Variants in NAALADL2 observed in about 807,000 individuals in gnomAD.
NAALADL2 encodes N-acetylated alpha-linked acidic dipeptidase like 2.
In NAALADL2, 76 loss-of-function variants were observed where a neutral mutation model predicts 87.2. That is an observed-to-expected ratio of 0.87 (90% CI 0.72 to 1.05). NAALADL2 has a LOEUF of 1.05. Among genes scored for constraint, NAALADL2 ranks in the 50% least tolerant of loss-of-function variants. NAALADL2 has a pLI of 0.00. For missense variants in NAALADL2, 1,089 were observed against 945.8 expected (o/e 1.15, Z -1.99); for synonymous variants, 354 against 331.0 (o/e 1.07, Z -0.75).
intron 9 of NAALADL2, among the ~76,000 whole-genome samples, chr3:175,575,550 G>A (rs1419976151): frequency 1.3e-5 from 2 of 152,058 alleles, no homozygotes; most frequent in Admixed American, 1.3e-4. Flanking sequence ...CTCCCAAAGT[G>A]CTGGGATTAC....
intron 5 of NAALADL2, among the ~76,000 whole-genome samples, chr3:175,433,922 A>C (rs1037976907): frequency 6.6e-6 from 1 of 151,928 alleles, no homozygotes; most frequent in South Asian, 2.1e-4. Flanking sequence ...TGTCTCATTA[A>C]CCAAGGGAAT....
intron 9 of NAALADL2, among the ~76,000 whole-genome samples, chr3:175,555,248 AT>A (rs1183889505): frequency 3.0e-4 from 45 of 152,348 alleles, no homozygotes; most frequent in Non-Finnish European, 8.8e-5. Flanking sequence ...AAGTGATCAC[AT>A]TAGTAATTTA....
At chr3:175,050,032 C>G (rs1755169776) in intron 1 of NAALADL2, among the ~76,000 whole-genome samples, 1 of 152,108 alleles carries the variant, frequency 6.6e-6, no homozygotes, top group Non-Finnish European at 1.5e-5. Flanking sequence ...GATTACCTCC[C>G]AAATTCCAAA....
At chr3:174,907,753 A>G (rs963122569) in intron 1 of NAALADL2, among the ~76,000 whole-genome samples, 2 of 152,060 alleles carry the variant, frequency 1.3e-5, no homozygotes, top group African/African-American at 4.8e-5. Context: ...TTGTGGATCT[A>G]TTGTGTATAG....
chr3:174,948,364 A>G (rs2108501019), intron 1 of NAALADL2, among the ~76,000 whole-genome samples: 1 of 152,164 alleles, frequency 6.6e-6, no homozygotes, highest in East Asian at 1.9e-4. Context: ...TTTAGTAGAG[A>G]CGGGGTTTCA....
intron 3 of NAALADL2, among the ~76,000 whole-genome samples, chr3:174,845,490 A>G (rs16865032): frequency 0.1 from 15,792 of 152,240 alleles, 962 homozygotes; most frequent in Middle Eastern, 0.15. Context: ...CTGGTAGGGC[A>G]AGACCATTTC....
In NAALADL2 at chr3:174,616,153, C is replaced by T. The variant is rs369262417; in HGVS notation, c.-115+65516C>T. Among the ~76,000 whole-genome samples, 3 of 151,768 alleles carry T rather than the reference C, an allele frequency of 2.0e-5. No homozygotes were observed. The South Asian group carries it at 6.2e-4, about 32-fold the overall frequency. On this transcript the variant is annotated intron_variant, in intron 2 of 3. Coordinates refer to the NAALADL2 transcript ENST00000434257. ...TAGAGTGGTCACAGGGTCTTAAACA[C>T]AATCGTTGATGTTGTAAATCTATGG...
chr3:175,238,800 G>A (rs1746350339), intron 3 of NAALADL2, among the ~76,000 whole-genome samples: 1 of 152,166 alleles, frequency 6.6e-6, no homozygotes, highest in Non-Finnish European at 1.5e-5. Flanking sequence ...TGCTGCTAAA[G>A]ATTCAGGCAT....
At chr3:174,735,237 CAA>C (rs904614920) in intron 2 of NAALADL2, among the ~76,000 whole-genome samples, 45 of 152,144 alleles carry the variant, frequency 3.0e-4, no homozygotes, top group African/African-American at 9.2e-4. Flanking sequence ...GGAAAAGACT[CAA>C]TATCTTAAAA....
chr3:174,870,127 TATC>T (rs369348858), intron 1 of NAALADL2, among the ~76,000 whole-genome samples: 131 of 152,022 alleles, frequency 8.6e-4, no homozygotes, highest in African/African-American at 2.9e-3. Context: ...GTGTACGTGT[TATC>T]AGCATGTTTG....
chr3:174,489,935 C>T (rs946228678), intron 1 of NAALADL2, among the ~76,000 whole-genome samples: 67 of 152,012 alleles, frequency 4.4e-4, no homozygotes, highest in African/African-American at 1.2e-3. Context: ...GAAATGGGAA[C>T]GCTTCTATGT....
chr3:175,559,963 G>A (rs1444583647), intron 9 of NAALADL2, among the ~76,000 whole-genome samples: 1 of 152,116 alleles, frequency 6.6e-6, no homozygotes, highest in Non-Finnish European at 1.5e-5. Flanking sequence ...TAATGAACTT[G>A]GAAATATTCC....
chr3:175,416,580 GA>G (rs1714678086), intron 5 of NAALADL2, among the ~76,000 whole-genome samples: 1 of 152,058 alleles, frequency 6.6e-6, no homozygotes, highest in South Asian at 2.1e-4. Flanking sequence ...ATGTTAAGTA[GA>G]AAAAAGGCCT....
intron 13 of NAALADL2, among the ~76,000 whole-genome samples, chr3:175,788,321 A>G (rs919239286): frequency 7.2e-5 from 11 of 151,866 alleles, no homozygotes; most frequent in African/African-American, 2.4e-4. Context: ...GGAACTCCTG[A>G]GCTCAAACGA....
At chr3:174,731,669 C>CTA (rs776998554) in intron 2 of NAALADL2, among the ~76,000 whole-genome samples, 7 of 152,044 alleles carry the variant, frequency 4.6e-5, no homozygotes, top group Non-Finnish European at 1.0e-4. Flanking sequence ...GATTGCTGGG[C>CTA]CCTATCTCAA....
intron 1 of NAALADL2, among the ~76,000 whole-genome samples, chr3:174,952,349 C>G (rs1009413949): frequency 7.2e-5 from 11 of 152,124 alleles, no homozygotes; most frequent in Admixed American, 5.9e-4. Context: ...ATTAAGCATT[C>G]TGGCCTAATT....
chr3:175,008,375 C>T (rs761071511), intron 1 of NAALADL2, among the ~76,000 whole-genome samples: 2 of 152,000 alleles, frequency 1.3e-5, no homozygotes, highest in African/African-American at 2.4e-5. Context: ...AGTGAGACCT[C>T]GTTTCTAAAA....
intron 2 of NAALADL2, among the ~76,000 whole-genome samples, chr3:175,227,046 T>C (rs141895174): frequency 1.5e-3 from 230 of 152,216 alleles, no homozygotes; most frequent in African/African-American, 5.5e-3. Flanking sequence ...ATAGTATGAG[T>C]ATCTGCATAT....
chr3:175,128,237 T>C (rs2108610005), intron 2 of NAALADL2, among the ~76,000 whole-genome samples: 1 of 152,336 alleles, frequency 6.6e-6, no homozygotes, highest in African/African-American at 2.4e-5. Context: ...AAAGCATTTT[T>C]AATTGTGAAG....
Sources: gnomAD v4.1 joint callset for allele counts (sites outside exome capture counted in the v4.1 genomes callset) on GRCh38, gnomAD v4.1.1 for gene constraint, MANE v1.5 for transcripts, NCBI Gene and HGNC (gene_info 2026-07-23, HGNC 2026-07-21) for gene names.